Variants in SEC14L1 observed in about 807,000 individuals in gnomAD.
SEC14L1 encodes the protein SEC14-like protein 1.
Under a neutral mutation model 85.3 loss-of-function variants are expected in SEC14L1, and 48 were observed. That is an observed-to-expected ratio of 0.56 (90% CI 0.45 to 0.72). The LOEUF is 0.72. Ranked by LOEUF, SEC14L1 falls within the 30% of genes least tolerant of loss-of-function variation. The pLI is 0.00. For missense variants in SEC14L1, 682 were observed against 921.4 expected (o/e 0.74, Z 3.36); for synonymous variants, 391 against 355.5 (o/e 1.10, Z -1.12).
chr17:77,145,970 G>T (rs1973283723), intron 3 of SEC14L1, among the ~76,000 whole-genome samples: 1 of 152,234 alleles, frequency 6.6e-6, no homozygotes, highest in Non-Finnish European at 1.5e-5. Flanking sequence ...GTTCAACTCT[G>T]TGGCATTTCT....
At chr17:77,107,019 C>T (rs1411200083) in intron 3 of SEC14L1, among the ~76,000 whole-genome samples, 2 of 152,228 alleles carry the variant, frequency 1.3e-5, no homozygotes, top group Non-Finnish European at 2.9e-5. Flanking sequence ...AAAGAGTTCA[C>T]ACATCCCCCA....
intron 2 of SEC14L1, among the ~76,000 whole-genome samples, chr17:77,090,965 GTC>G: frequency 6.9e-6 from 1 of 145,424 alleles, no homozygotes; most frequent in Non-Finnish European, 1.5e-5. Flanking sequence ...GTGAGACCCT[GTC>G]TCAAAAAAAA....
At position 77,206,202 on chromosome 17, in the gene SEC14L1, T is replaced by G. The variant is rs751279380; in HGVS notation, c.1170-27T>G. ...TTTGCTAAGTGTGCTGTCTGTTGAA[T>G]GAAACACATCTCTGCACAACCTGCA... On this transcript the variant is annotated intron_variant, in intron 11 of 16. Transcript: ENST00000436233. This position sits in a 1 kb window ranked among gnomAD's most constrained non-coding sequence, Gnocchi z 4.3. 6.2e-7 allele frequency: 1 copy of G among 1,602,136 alleles called. No individual in the cohort carries two copies. The highest frequency in any genetic ancestry group is 8.5e-7 in the Non-Finnish European group (1 of 1,170,438).
chr17:77,215,684 G>A lies in SEC14L1; in HGVS notation c.*1661G>A. The A allele has an allele frequency of 1.0e-6, 1 of 994,662 alleles. No homozygotes were observed. Among genetic ancestry groups the A allele is most frequent in the Non-Finnish European group, 1.2e-6 (1 of 834,396 alleles). 61.6% of individuals were successfully genotyped at this position (994,662 alleles called of 1,614,324 possible). On this transcript the variant is annotated 3_prime_UTR_variant, in exon 17 of 17. Coordinates refer to ENST00000436233, the MANE Select transcript of SEC14L1 (RefSeq NM_001143998.2). ...CTCTTAGAGATCGAGCTCCTCAGTG[G>A]TACCTGAAGCCTTTGCTTCCGGAAA...
intron 3 of SEC14L1, among the ~76,000 whole-genome samples, chr17:77,148,726 TC>T (rs1440843216): frequency 6.6e-6 from 1 of 152,234 alleles, no homozygotes; most frequent in Admixed American, 6.5e-5. Flanking sequence ...GGTCCCTTGT[TC>T]CTTTGCGCAC....
chr17:77,097,384 T>C (rs1361757919), intron 3 of SEC14L1, among the ~76,000 whole-genome samples: 1 of 151,982 alleles, frequency 6.6e-6, no homozygotes, highest in Non-Finnish European at 1.5e-5. Flanking sequence ...GCCAACATGG[T>C]GAAACCCCGT....
intron 3 of SEC14L1, among the ~76,000 whole-genome samples, chr17:77,163,923 G>A (rs1038683322): frequency 6.6e-6 from 1 of 152,172 alleles, no homozygotes; most frequent in African/African-American, 2.4e-5. Context: ...GATACTGCTT[G>A]GCCTGGAGAG....
At position 77,106,080 on chromosome 17, in the gene SEC14L1, G is replaced by A. The variant is rs116687309; in HGVS notation, c.-136+12733G>A. Among the ~76,000 whole-genome samples the A allele has an allele frequency of 2.2e-3, 337 of 152,050 alleles. 2 individuals carry two copies. Among genetic ancestry groups the A allele is most frequent in the African/African-American group, 7.8e-3 (323 of 41,458 alleles). ...AAATCACCCTGTACTTTCCTTCTCCGTGGCCAGGGGACATTGAAATTATTT... is the reference window on the plus strand; with the variant it reads ...AAATCACCCTGTACTTTCCTTCTCCATGGCCAGGGGACATTGAAATTATTT... On this transcript the variant is annotated intron_variant, in intron 3 of 19. Transcript: ENST00000392476.
intron 3 of SEC14L1, among the ~76,000 whole-genome samples, chr17:77,114,770 G>C (rs938137185): frequency 6.7e-6 from 1 of 149,122 alleles, no homozygotes. Context: ...AGGAGGTGGA[G>C]GTTGCAGTGA....
chr17:77,167,912 A>G (rs1398278434), intron 3 of SEC14L1, among the ~76,000 whole-genome samples: 3 of 152,242 alleles, frequency 2.0e-5, no homozygotes, highest in Non-Finnish European at 4.4e-5. Context: ...TTCTGCAGAA[A>G]GGTGCTGCCT....
At position 77,215,921 on chromosome 17, in the gene SEC14L1, A is replaced by G; in HGVS notation, c.*1898A>G. On this transcript the variant is annotated 3_prime_UTR_variant, in exon 17 of 17. Transcript: ENST00000436233. ...GGTAGGGCTAGTAGGTAGGGTTAGT[A>G]GGTAGGGTTCGTAGGTAGGGTTCGT... 1 of 970,334 alleles carries G rather than the reference A, an allele frequency of 1.0e-6. No individual in the cohort carries two copies. Among genetic ancestry groups the G allele is most frequent in the South Asian group, 4.9e-5 (1 of 20,412 alleles). 60.1% of individuals were successfully genotyped at this position (970,334 alleles called of 1,614,324 possible).
intron 3 of SEC14L1, among the ~76,000 whole-genome samples, chr17:77,168,090 G>A (rs977979794): frequency 6.6e-6 from 1 of 152,164 alleles, no homozygotes; most frequent in Non-Finnish European, 1.5e-5. Context: ...TGCGTGATTT[G>A]TAAGAGAAGG....
intron 3 of SEC14L1, among the ~76,000 whole-genome samples, chr17:77,120,951 G>A (rs961897204): frequency 2.6e-5 from 4 of 152,176 alleles, no homozygotes; most frequent in Non-Finnish European, 5.9e-5. Context: ...TTTTGTTATC[G>A]TGGGTTGTGG....
At chr17:77,092,019 C>G (rs1221188841) in intron 2 of SEC14L1, among the ~76,000 whole-genome samples, 1 of 152,108 alleles carries the variant, frequency 6.6e-6, no homozygotes, top group Non-Finnish European at 1.5e-5. Flanking sequence ...GCCATTTTGG[C>G]CACGCTGGTC....
At chr17:77,123,286 T>C (rs1295247979) in intron 3 of SEC14L1, among the ~76,000 whole-genome samples, 1 of 151,734 alleles carries the variant, frequency 6.6e-6, no homozygotes, top group Non-Finnish European at 1.5e-5. Context: ...CTTGACCTCA[T>C]GATCCACCTG....
chr17:77,209,572 C>T lies in SEC14L1; in HGVS notation c.1611+96C>T, dbSNP rs1356601302. 9.0e-6 allele frequency: 12 copies of T among 1,331,092 alleles called. No individual in the cohort carries two copies. The Admixed American group carries it at 2.6e-4, about 29-fold the overall frequency. 82.5% of individuals were successfully genotyped at this position (1,331,092 alleles called of 1,614,324 possible). Reference sequence around the variant, plus strand: ...CTGGCAGCCTTTCATTCAGAACAGTCCACTCGTTTTTCTGCTCTTTGTCTT... The same window carrying T: ...CTGGCAGCCTTTCATTCAGAACAGTTCACTCGTTTTTCTGCTCTTTGTCTT... On this transcript the variant is annotated intron_variant, in intron 14 of 16. Coordinates refer to ENST00000436233, the MANE Select transcript of SEC14L1 (RefSeq NM_001143998.2).
At chr17:77,143,890 G>A in intron 3 of SEC14L1, 1 of 388,776 alleles carries the variant, frequency 2.6e-6, no homozygotes, top group South Asian at 4.1e-5. Flanking sequence ...TGTATGAATT[G>A]AAGTTAATTC....
chr17:77,091,358 G>A (rs973942930), intron 2 of SEC14L1, among the ~76,000 whole-genome samples: 1 of 152,174 alleles, frequency 6.6e-6, no homozygotes, highest in Non-Finnish European at 1.5e-5. Flanking sequence ...AAAGTGCTGG[G>A]ATTACAGGCT....
chr17:77,155,864 G>A (rs750881320), intron 3 of SEC14L1, among the ~76,000 whole-genome samples: 1 of 152,154 alleles, frequency 6.6e-6, no homozygotes, highest in Non-Finnish European at 1.5e-5. Context: ...ACAGGCGTGA[G>A]CCACTTCGCC....
Sources: gnomAD v4.1 joint callset for allele counts (sites outside exome capture counted in the v4.1 genomes callset) on GRCh38, gnomAD v4.1.1 for gene constraint, Gnocchi (gnomAD v3.1) non-coding constraint, MANE v1.5 for transcripts, NCBI Gene and HGNC (gene_info 2026-07-23, HGNC 2026-07-21) for gene names.